The following PCNX2 variants were observed in gnomAD, a reference collection of about 807,000 sequenced individuals.
PCNX2 encodes the protein pecanex 2.
PCNX2 carries 168 observed loss-of-function variants against 223.8 expected under a neutral mutation model. That is an observed-to-expected ratio of 0.75 (90% CI 0.66 to 0.85). The LOEUF is 0.85. PCNX2 is among the 40% of genes least tolerant of loss of function. The pLI is 0.00. For missense variants in PCNX2, 2,507 were observed against 2,675.5 expected (o/e 0.94, Z 1.39); for synonymous variants, 1,006 against 1,052.6 (o/e 0.96, Z 0.86).
At chr1:233,277,993 GATTA>G (rs770089038) in intron 1 of PCNX2, among the ~76,000 whole-genome samples, 7 of 152,160 alleles carry the variant, frequency 4.6e-5, no homozygotes, top group Non-Finnish European at 7.4e-5. Flanking sequence ...ATTCTTTATT[GATTA>G]ATTAGTAAAG....
intron 25 of PCNX2, among the ~76,000 whole-genome samples, chr1:233,050,920 T>C (rs763124467): frequency 1.3e-5 from 2 of 152,098 alleles, no homozygotes; most frequent in Non-Finnish European, 2.9e-5. Context: ...TCCCAAACTA[T>C]GTAACTGACA....
chr1:233,325,531 C>T, the PCNX2 span, among the ~76,000 whole-genome samples: 1 of 150,024 alleles, frequency 6.7e-6, no homozygotes, highest in African/African-American at 2.5e-5. Context: ...AAAAAATTAG[C>T]TGGGCGTGGT....
chr1:233,118,005 G>A (rs1039281142), intron 21 of PCNX2, among the ~76,000 whole-genome samples: 14 of 133,062 alleles, frequency 1.1e-4, no homozygotes, highest in African/African-American at 3.3e-4. Context: ...GCGAGACTCC[G>A]TCTCAAAAAA....
At chr1:233,117,379 C>T (rs1232499875) in intron 21 of PCNX2, among the ~76,000 whole-genome samples, 1 of 150,944 alleles carries the variant, frequency 6.6e-6, no homozygotes, top group Non-Finnish European at 1.5e-5. Context: ...CGCCTGTAAT[C>T]CCAGCACTTT....
intron 25 of PCNX2, among the ~76,000 whole-genome samples, chr1:233,052,007 C>A (rs1324664694): frequency 6.6e-6 from 1 of 152,150 alleles, no homozygotes; most frequent in African/African-American, 2.4e-5. Context: ...CATTTTCTGG[C>A]ATCTGTGCTA....
intron 19 of PCNX2, 91 bp downstream of exon 19, chr1:233,160,192 A>T: frequency 7.3e-7 from 1 of 1,363,288 alleles, no homozygotes; most frequent in Non-Finnish European, 1.0e-6. Context: ...CTGTGGCATT[A>T]AGTACATTCA....
At chr1:232,997,491 G>C (rs570011101) in intron 32 of PCNX2, among the ~76,000 whole-genome samples, 1 of 152,272 alleles carries the variant, frequency 6.6e-6, no homozygotes, top group East Asian at 1.9e-4. Flanking sequence ...AGGCCAAAAA[G>C]TAAAACCACT....
chr1:233,117,603 G>GA (rs201172317), intron 21 of PCNX2, among the ~76,000 whole-genome samples: 18,374 of 73,160 alleles, frequency 0.25, 1,290 homozygotes, highest in East Asian at 0.34. Context: ...TCCGTCTAAA[G>GA]AAAAAAAAAA....
chr1:233,272,950 A>C (rs1378213246), intron 1 of PCNX2, among the ~76,000 whole-genome samples: 1 of 152,124 alleles, frequency 6.6e-6, no homozygotes, highest in Admixed American at 6.5e-5. Flanking sequence ...AAATATAAGG[A>C]TGCAAAGGCA....
chr1:233,014,846 G>T, intron 27 of PCNX2, 69 bp from the exon 28 acceptor site: 2 of 1,278,714 alleles, frequency 1.6e-6, no homozygotes, highest in Non-Finnish European at 2.3e-6. Context: ...AGGCATAAAT[G>T]TAGAGTGACA....
the PCNX2 span, among the ~76,000 whole-genome samples, chr1:233,326,596 A>G: frequency 4.6e-4 from 70 of 152,340 alleles, 1 homozygote; most frequent in East Asian, 0.011. Context: ...AAATAGTTTG[A>G]TCTGAGAGAC....
chr1:233,252,083 T>G (rs751068588), intron 7 of PCNX2, among the ~76,000 whole-genome samples: 5 of 152,208 alleles, frequency 3.3e-5, no homozygotes, highest in Non-Finnish European at 5.9e-5. Flanking sequence ...TGAAACTGAT[T>G]AAGTCTGGGG....
rs1571981463 is a variant in PCNX2, at chr1:232,988,134, G to A, written c.5792-1594C>T. ...GATGAATCAGAATGAAAAATAAGGA[G>A]GGCGATTTGTTAGTTTATTCAGTGT... On this transcript the variant is annotated intron_variant, in intron 32 of 33. Coordinates refer to ENST00000258229, the MANE Select transcript of PCNX2 (RefSeq NM_014801.4). Among the ~76,000 whole-genome samples, 2 of 152,250 alleles carry A rather than the reference G, an allele frequency of 1.3e-5. 1 individual carries two copies. The highest frequency in any genetic ancestry group is 3.8e-4 in the East Asian group (2 of 5,200).
chr1:233,293,878 C>T (rs1192012321), intron 1 of PCNX2: 7 of 871,242 alleles, frequency 8.0e-6, no homozygotes, highest in Non-Finnish European at 8.3e-6. Context: ...GGCTGTGCTC[C>T]TCATGACTTT....
At position 233,057,310 on chromosome 1, in the gene PCNX2, G is replaced by C. The variant is rs1369232411; in HGVS notation, c.4077-20C>G. 1 of 1,591,474 alleles carries C rather than the reference G, an allele frequency of 6.3e-7. No individual in the cohort carries two copies. Among genetic ancestry groups the C allele is most frequent in the African/African-American group, 1.3e-5 (1 of 74,274 alleles). On this transcript the variant is annotated intron_variant, in intron 23 of 33. Coordinates refer to ENST00000258229, the MANE Select transcript of PCNX2 (RefSeq NM_014801.4). ...CTTGTACTAGAAGAGGCCACAAAAG[G>C]GTAAAAGGTCATGATTAGATCCCCC...
chr1:233,144,945 G>T lies in PCNX2; in HGVS notation c.3518-5090C>A, dbSNP rs1481928634. Among the ~76,000 whole-genome samples, 128 of 104,638 alleles carry T rather than the reference G, an allele frequency of 1.2e-3. 1 individual carries two copies. Among genetic ancestry groups the T allele is most frequent in the African/African-American group, 5.4e-3 (123 of 22,862 alleles). 68.6% of individuals were successfully genotyped at this position (104,638 alleles called of 152,430 possible). On this transcript the variant is annotated intron_variant, in intron 19 of 33. Coordinates refer to ENST00000258229, the MANE Select transcript of PCNX2 (RefSeq NM_014801.4). ...GCCTTCGGTGCTATTTGTTGTTGTT[G>T]TTGTTTTGTTTTTTTTTTTTGTTTC...
chr1:233,128,524 G>A (rs1676235795), intron 21 of PCNX2, among the ~76,000 whole-genome samples: 1 of 152,030 alleles, frequency 6.6e-6, no homozygotes, highest in South Asian at 2.1e-4. Context: ...CAGTAGAGAT[G>A]AGGTTTCACC....
intron 23 of PCNX2, among the ~76,000 whole-genome samples, chr1:233,087,974 C>A (rs556658920): frequency 1.2e-4 from 18 of 152,236 alleles, no homozygotes; most frequent in Middle Eastern, 3.4e-3. Flanking sequence ...AGAATAAATG[C>A]GGCAGAATCA....
At chr1:233,174,216 A>C (rs1679336440) in intron 17 of PCNX2, among the ~76,000 whole-genome samples, 1 of 135,900 alleles carries the variant, frequency 7.4e-6, no homozygotes, top group Non-Finnish European at 1.6e-5. Context: ...ATTATATAAA[A>C]ATTATGTTAT....
Sources: gnomAD v4.1 joint callset for allele counts (sites outside exome capture counted in the v4.1 genomes callset) on GRCh38, gnomAD v4.1.1 for gene constraint, MANE v1.5 for transcripts, NCBI Gene and HGNC (gene_info 2026-07-23, HGNC 2026-07-21) for gene names.